Variants in SRGAP1 observed in about 807,000 individuals in gnomAD.
SRGAP1 encodes the protein SLIT-ROBO Rho GTPase-activating protein 1.
A neutral mutation model predicts 121.9 loss-of-function variants in SRGAP1; 43 were observed. That is an observed-to-expected ratio of 0.35 (90% CI 0.28 to 0.46). The LOEUF is 0.46. Ranked by LOEUF, SRGAP1 falls within the 20% of genes least tolerant of loss-of-function variation. The pLI, the probability that SRGAP1 is intolerant of heterozygous loss-of-function variation, is 1.00. For synonymous variants in SRGAP1, 447 were observed against 485.4 expected, an observed-to-expected ratio of 0.92 and a Z score of 1.04; for missense variants, 1,102 against 1,350.9, an observed-to-expected ratio of 0.82 and a Z score of 2.89.
rs1303345888 is a variant in SRGAP1 at position 64,146,903 on chromosome 12, T to C, written c.*4231T>C. The C allele has an allele frequency of 6.6e-6, 1 of 150,902 alleles. No homozygotes were observed. Among genetic ancestry groups the C allele is most frequent in the East Asian group, 1.9e-4 (1 of 5,152 alleles). 9.3% of individuals were successfully genotyped at this position (150,902 alleles called of 1,614,324 possible). On this transcript the variant is annotated 3_prime_UTR_variant, in exon 22 of 22. Coordinates refer to ENST00000355086, the MANE Select transcript of SRGAP1 (RefSeq NM_020762.4). ...ACGTTCTTAAAAAAAAAAAAAAGTC[T>C]ATGTGGTATAATCGAGATGGATACC...
intron 6 of SRGAP1, among the ~76,000 whole-genome samples, chr12:64,046,861 T>C (rs886421700): frequency 1.3e-5 from 2 of 152,014 alleles, no homozygotes; most frequent in African/African-American, 4.8e-5. Context: ...CAGCATAATC[T>C]CATTGAATCA....
chr12:63,929,028 T>A (rs1565954393), intron 1 of SRGAP1, among the ~76,000 whole-genome samples: 1 of 151,680 alleles, frequency 6.6e-6, no homozygotes, highest in Non-Finnish European at 1.5e-5. Context: ...GCGGCCTGGT[T>A]CCTAACAGGC....
chr12:64,133,055 C>A (rs1190153027), intron 21 of SRGAP1, among the ~76,000 whole-genome samples: 2 of 152,206 alleles, frequency 1.3e-5, no homozygotes, highest in Non-Finnish European at 2.9e-5. Context: ...TTACAATAAT[C>A]CACTGTCATT....
At chr12:63,902,592 G>T (rs1186115446) in intron 1 of SRGAP1, among the ~76,000 whole-genome samples, 1 of 152,146 alleles carries the variant, frequency 6.6e-6, no homozygotes, top group South Asian at 2.1e-4. Flanking sequence ...ACTAGATTTG[G>T]TTATAAAGTA....
intron 6 of SRGAP1, among the ~76,000 whole-genome samples, chr12:64,057,103 G>A (rs930816526): frequency 6.6e-6 from 1 of 152,156 alleles, no homozygotes; most frequent in African/African-American, 2.4e-5. Flanking sequence ...ATGGGTGGGT[G>A]ATGTGTTAGG....
intron 10 of SRGAP1, chr12:64,080,610 G>A (rs755156147): frequency 4.5e-5 from 26 of 572,210 alleles, no homozygotes; most frequent in Non-Finnish European, 5.7e-5. Context: ...AGTCAATACC[G>A]AGCTCCTAGG....
At chr12:64,055,163 T>C (rs1209673410) in intron 6 of SRGAP1, among the ~76,000 whole-genome samples, 3 of 149,194 alleles carry the variant, frequency 2.0e-5, no homozygotes, top group Non-Finnish European at 3.0e-5. Context: ...AGTCTCAGGA[T>C]ACAAAATCAA....
At chr12:63,890,313 G>A (rs906610245) in intron 1 of SRGAP1, among the ~76,000 whole-genome samples, 3 of 152,180 alleles carry the variant, frequency 2.0e-5, no homozygotes, top group African/African-American at 7.2e-5. Context: ...AGAGTAAGCG[G>A]GTAGTGAGGG....
At chr12:64,109,829 A>G (rs1211923209) in intron 16 of SRGAP1, among the ~76,000 whole-genome samples, 1 of 152,114 alleles carries the variant, frequency 6.6e-6, no homozygotes, top group African/African-American at 2.4e-5. Flanking sequence ...TCTCTATTTC[A>G]TGGGACATTT....
intron 18 of SRGAP1, among the ~76,000 whole-genome samples, chr12:64,125,611 C>G (rs545253919): frequency 2.2e-4 from 33 of 152,110 alleles, no homozygotes; most frequent in African/African-American, 7.7e-4. Flanking sequence ...TCTATCAATG[C>G]CAAAATCATA....
intron 16 of SRGAP1, among the ~76,000 whole-genome samples, chr12:64,109,702 A>G (rs889355967): frequency 4.6e-5 from 7 of 152,328 alleles, no homozygotes; most frequent in Admixed American, 1.3e-4. Context: ...TCAACATTTC[A>G]GCTAAGCAGC....
intron 21 of SRGAP1, among the ~76,000 whole-genome samples, chr12:64,130,925 C>T (rs1304342103): frequency 6.6e-6 from 1 of 152,196 alleles, no homozygotes; most frequent in Non-Finnish European, 1.5e-5. Flanking sequence ...CAACCTGCCA[C>T]CAGGTAGCTG....
At chr12:63,969,667 A>G (rs1159600513) in intron 1 of SRGAP1, among the ~76,000 whole-genome samples, 3 of 151,942 alleles carry the variant, frequency 2.0e-5, no homozygotes, top group Non-Finnish European at 4.4e-5. Flanking sequence ...GGTGGTGGGC[A>G]CCTGTAGTCC....
chr12:64,142,488 G>T lies in SRGAP1; in HGVS notation c.3074G>T (p.Arg1025Leu). The T allele has an allele frequency of 1.2e-6, 2 of 1,614,070 alleles. No individual in the cohort carries two copies. The highest frequency in any genetic ancestry group is 1.7e-6 in the Non-Finnish European group (2 of 1,180,024). Reference protein sequence around the residue: ...VALRSSEPQIRRSTSSSSDTM... With the variant: ...VALRSSEPQILRSTSSSSDTM... ...CTCAGGAGCTCCGAGCCTCAGATTC[G>T]ACGTAGCACGAGCTCCTCCAGTGAC... The change falls in exon 22 of 22, where the codon CGA (arginine) becomes CTA (leucine). Residue 1025 changes from arginine to leucine, a missense_variant. Arg to Leu is a moderately radical substitution (Grantham distance 102, BLOSUM62 -2). This residue lies in a region of SRGAP1 where 315 missense variants were observed against 343.1 expected (regional missense o/e 0.92). Coordinates refer to ENST00000355086, the MANE Select transcript of SRGAP1 (RefSeq NM_020762.4).
rs371767584 is a variant in SRGAP1 at position 64,115,870 on chromosome 12, C to G, written c.2201C>G (p.Thr734Arg). Residue 734 changes from threonine (T) to arginine (R), a missense_variant, in exon 18 of 22, where the codon ACA (threonine) becomes AGA (arginine). Physicochemically the swap from Thr to Arg is moderately conservative, Grantham distance 71. This residue lies in a region of SRGAP1 where 747 missense variants were observed against 929.4 expected (regional missense o/e 0.80). Coordinates refer to ENST00000355086, the MANE Select transcript of SRGAP1 (RefSeq NM_020762.4). ...GAGGAAGTGGACCAAGATGCTGGTA[C>G]AGAGCCCCACACAAGTGAAGATGGT... ...TLEEVDQDAG[T>R]EPHTSEDECE... 6.2e-7 allele frequency: 1 copy of G among 1,613,238 alleles called. No homozygotes were observed. Among genetic ancestry groups the G allele is most frequent in the Non-Finnish European group, 8.5e-7 (1 of 1,179,536 alleles).
At chr12:63,958,959 T>C (rs2032555330) in intron 1 of SRGAP1, among the ~76,000 whole-genome samples, 1 of 152,216 alleles carries the variant, frequency 6.6e-6, no homozygotes, top group South Asian at 2.1e-4. Flanking sequence ...TAGAATGTCT[T>C]GCTCCAGGGA....
At position 63,932,197 on chromosome 12, in the gene SRGAP1, C is replaced by T. The variant is rs190055946; in HGVS notation, c.68-51750C>T. ...TTGGGAGGGTGAGGCAGGAGAATGC[C>T]GTGAACCCGGGAGGCAGAGGTTTCA... On this transcript the variant is annotated intron_variant, in intron 1 of 21. Transcript: ENST00000355086. Among the ~76,000 whole-genome samples, 8 of 152,212 alleles carry T rather than the reference C, an allele frequency of 5.3e-5. No individual in the cohort carries two copies. The South Asian group carries it at 1.0e-3, about 20-fold the overall frequency.
intron 7 of SRGAP1, among the ~76,000 whole-genome samples, chr12:64,064,220 G>A (rs1379466366): frequency 6.6e-6 from 1 of 151,900 alleles, no homozygotes; most frequent in African/African-American, 2.4e-5. Context: ...CTTTTTTTAT[G>A]GCCAGTTCTG....
chr12:63,862,995 G>C lies in SRGAP1; in HGVS notation c.67+18112G>C, dbSNP rs570567721. 2.0e-4 allele frequency among the ~76,000 whole-genome samples: 31 copies of C among 152,260 alleles called. No individual in the cohort carries two copies. The South Asian group carries it at 6.2e-3, about 31-fold the overall frequency. On this transcript the variant is annotated intron_variant, in intron 1 of 21. Coordinates refer to ENST00000355086, the MANE Select transcript of SRGAP1 (RefSeq NM_020762.4). ...CTTTTTAGAAACTTGCACTAGAAAAGGCGAGGAATGTTTTCTTTGGCTGAC... is the reference window on the plus strand; with the variant it reads ...CTTTTTAGAAACTTGCACTAGAAAACGCGAGGAATGTTTTCTTTGGCTGAC...
Sources: allele counts gnomAD v4.1 joint callset (sites outside exome capture counted in the v4.1 genomes callset), GRCh38; gene constraint gnomAD v4.1.1; regional missense constraint gnomAD v4.1.1; transcripts MANE v1.5; gene names NCBI Gene and HGNC (gene_info 2026-07-23, HGNC 2026-07-21).